Variants in MYO1B observed in about 807,000 individuals in gnomAD.
MYO1B encodes the protein unconventional myosin-Ib.
In MYO1B, 72 loss-of-function variants were observed where a neutral mutation model predicts 159.7. The ratio of observed to expected loss-of-function variants is 0.45; its 90% CI spans 0.37 to 0.55. The LOEUF is 0.55. Ranked by LOEUF, MYO1B falls within the 20% of genes least tolerant of loss-of-function variation. The probability of loss-of-function intolerance (pLI) is 0.00; values close to 1 mark genes in which losing one functional copy is unlikely to be tolerated. For synonymous variants in MYO1B, 468 were observed against 473.8 expected (o/e 0.99, Z 0.16); for missense variants, 1,062 against 1,364.8 (o/e 0.78, Z 3.50).
At chr2:191,341,023 C>T (rs967303918) in intron 4 of MYO1B, among the ~76,000 whole-genome samples, 1 of 152,056 alleles carries the variant, frequency 6.6e-6, no homozygotes, top group African/African-American at 2.4e-5. Context: ...TGTGCCTGGC[C>T]GAGCAAACGA....
At chr2:191,409,494 A>G (rs1205432712) in intron 26 of MYO1B, among the ~76,000 whole-genome samples, 1 of 152,212 alleles carries the variant, frequency 6.6e-6, no homozygotes, top group Admixed American at 6.5e-5. Flanking sequence ...CTTTGTCTAA[A>G]GGAATACTGT....
chr2:191,310,768 A>G (rs1360232096), intron 3 of MYO1B, among the ~76,000 whole-genome samples: 1 of 152,214 alleles, frequency 6.6e-6, no homozygotes, highest in East Asian at 1.9e-4. Flanking sequence ...ATTGCAAGCT[A>G]TGTGTCTGGA....
rs557528108 is a variant in MYO1B at position 191,416,824 on chromosome 2, A to T, written c.3287+582A>T. Among the ~76,000 whole-genome samples the T allele has an allele frequency of 1.7e-3, 265 of 152,248 alleles. 1 individual carries two copies. The highest frequency in any genetic ancestry group is 2.7e-3 in the Non-Finnish European group (186 of 68,006). On this transcript the variant is annotated intron_variant, in intron 30 of 30. Transcript: ENST00000392318. ...GTGAGACTCCGTCTCAGAAAAAAAA[A>T]AAGAGTCAGGGAGGCCTCTTTGATG...
chr2:191,327,301 A>G (rs72916548), intron 3 of MYO1B, among the ~76,000 whole-genome samples: 4,776 of 152,316 alleles, frequency 0.031, 122 homozygotes, highest in Non-Finnish European at 0.044. Flanking sequence ...TGGCATAAAG[A>G]TTAATTAGAA....
intron 1 of MYO1B, among the ~76,000 whole-genome samples, chr2:191,267,537 A>G (rs1250270252): frequency 6.6e-6 from 1 of 152,236 alleles, no homozygotes; most frequent in Non-Finnish European, 1.5e-5. Flanking sequence ...GGTAAATGCC[A>G]TGAATAGACA....
At chr2:191,385,722 A>AT (rs945422985) in intron 15 of MYO1B, among the ~76,000 whole-genome samples, 162 bp from the exon 16 acceptor site, 59 of 152,298 alleles carry the variant, frequency 3.9e-4, no homozygotes, top group African/African-American at 1.3e-3. Context: ...GAAAGAGCTG[A>AT]TTCCTGTGGC....
At chr2:191,290,190 T>C in intron 2 of MYO1B, among the ~76,000 whole-genome samples, 1 of 152,272 alleles carries the variant, frequency 6.6e-6, no homozygotes, top group East Asian at 1.9e-4. Context: ...TTTTTATACT[T>C]TGATAATTAT....
In MYO1B at chr2:191,360,604, A is replaced by G. The variant is rs758419697; in HGVS notation, c.563-27A>G. On this transcript the variant is annotated intron_variant, in intron 7 of 30. Transcript: ENST00000392318. ...TGGATTTGGAAGTGAAACAAATGCC[A>G]TACTATGATTTAACTCTTCTCTTTA... 9.1e-6 allele frequency: 13 copies of G among 1,426,768 alleles called. No individual in the cohort carries two copies. The South Asian group carries it at 1.3e-4, about 15-fold the overall frequency. The allele number at this position is 1,426,768 out of a possible 1,614,324, so 88.4% of individuals were successfully genotyped here.
chr2:191,295,490 T>C (rs972513344), intron 2 of MYO1B, among the ~76,000 whole-genome samples: 3 of 152,190 alleles, frequency 2.0e-5, no homozygotes, highest in African/African-American at 4.8e-5. Flanking sequence ...TTCTGGAAAG[T>C]ACCTTTAAAT....
chr2:191,329,520 C>T (rs911879023), intron 3 of MYO1B, among the ~76,000 whole-genome samples: 1 of 151,008 alleles, frequency 6.6e-6, no homozygotes, highest in Admixed American at 6.6e-5. Flanking sequence ...CCTTGTTTGT[C>T]TGAGTTACCT....
At position 191,360,630 on chromosome 2, in the gene MYO1B, G is replaced by A; in HGVS notation, c.563-1G>A. On this transcript the variant is annotated splice_acceptor_variant, in intron 7 of 30. Transcript: ENST00000392318. LOFTEE classifies it high-confidence loss of function. ...TACTATGATTTAACTCTTCTCTTTA[G>A]ATCTTTTAGAGAAATCTCGGGTTGT... 2 of 1,597,036 alleles carry A rather than the reference G, an allele frequency of 1.3e-6. No homozygotes were observed. Among genetic ancestry groups the A allele is most frequent in the Non-Finnish European group, 1.7e-6 (2 of 1,165,864 alleles).
chr2:191,342,605 G>C (rs1466354108), intron 5 of MYO1B, among the ~76,000 whole-genome samples: 1 of 152,200 alleles, frequency 6.6e-6, no homozygotes. Flanking sequence ...CCAGCTCTTT[G>C]GGAGGCCAAG....
At chr2:191,297,214 C>T (rs1041420617) in intron 3 of MYO1B, among the ~76,000 whole-genome samples, 2 of 152,158 alleles carry the variant, frequency 1.3e-5, no homozygotes, top group East Asian at 1.9e-4. Context: ...CAGACTTCTC[C>T]GCTTGTTGCT....
At chr2:191,382,382 T>C (rs1382705518) in intron 14 of MYO1B, among the ~76,000 whole-genome samples, 1 of 152,196 alleles carries the variant, frequency 6.6e-6, no homozygotes, top group Admixed American at 6.5e-5. Context: ...ACCCATTTAC[T>C]CAAAAGCTAA....
At chr2:191,410,006 A>G (rs1697164293) in intron 26 of MYO1B, among the ~76,000 whole-genome samples, 1 of 152,200 alleles carries the variant, frequency 6.6e-6, no homozygotes, top group Non-Finnish European at 1.5e-5. Flanking sequence ...ATCTATGTAT[A>G]GAGTGACATT....
intron 1 of MYO1B, among the ~76,000 whole-genome samples, chr2:191,252,412 A>G (rs1686177237): frequency 1.3e-5 from 2 of 152,240 alleles, no homozygotes; most frequent in South Asian, 4.1e-4. Context: ...GTAAAGGTTC[A>G]TAGATGTCTC....
chr2:191,253,974 C>T (rs992797643), intron 1 of MYO1B, among the ~76,000 whole-genome samples: 1 of 151,996 alleles, frequency 6.6e-6, no homozygotes, highest in African/African-American at 2.4e-5. Context: ...AGATTTGTGC[C>T]AAGGTGCTTC....
At chr2:191,342,432 GA>G (rs1692281980) in intron 5 of MYO1B, among the ~76,000 whole-genome samples, 1 of 152,160 alleles carries the variant, frequency 6.6e-6, no homozygotes. Context: ...AACATCATCA[GA>G]AAACAAAACC....
At chr2:191,323,047 C>T (rs1024454609) in intron 3 of MYO1B, among the ~76,000 whole-genome samples, 5 of 152,120 alleles carry the variant, frequency 3.3e-5, no homozygotes, top group Admixed American at 1.3e-4. Flanking sequence ...GAGGGTTCCT[C>T]CCCTTTTTAG....
Sources: allele counts gnomAD v4.1 joint callset (sites outside exome capture counted in the v4.1 genomes callset), GRCh38; gene constraint gnomAD v4.1.1; transcripts MANE v1.5; gene names NCBI Gene and HGNC (gene_info 2026-07-23, HGNC 2026-07-21).